The following DENND2A variants were observed in gnomAD, a reference collection of about 807,000 sequenced individuals.
The protein encoded by DENND2A is DENN domain-containing protein 2A.
In DENND2A, 53 loss-of-function variants were observed where a neutral mutation model predicts 105.3. The observed-to-expected ratio is 0.50, with a 90% CI of 0.40 to 0.63. The LOEUF (loss-of-function observed/expected upper bound fraction) is 0.63. Among genes scored for constraint, DENND2A ranks in the 30% least tolerant of loss-of-function variants. DENND2A has a pLI of 0.00. For synonymous variants in DENND2A, 522 were observed against 508.4 expected (o/e 1.03, Z -0.36); for missense variants, 1,138 against 1,279.6 (o/e 0.89, Z 1.69).
chr7:140,569,271 A>T (rs1294059963), intron 7 of DENND2A, among the ~76,000 whole-genome samples: 1 of 152,178 alleles, frequency 6.6e-6, no homozygotes, highest in Non-Finnish European at 1.5e-5. Flanking sequence ...CGTCTCGTCC[A>T]ACTCGATGTA....
intron 6 of DENND2A, among the ~76,000 whole-genome samples, chr7:140,570,229 G>A (rs1798037309): frequency 6.6e-6 from 1 of 152,132 alleles, no homozygotes; most frequent in African/African-American, 2.4e-5. Context: ...GAACGTGACT[G>A]TCAAGGACAC....
chr7:140,590,057 G>T (rs900536193), intron 3 of DENND2A, among the ~76,000 whole-genome samples: 1 of 152,072 alleles, frequency 6.6e-6, no homozygotes, highest in Non-Finnish European at 1.5e-5. Flanking sequence ...ATGGTTAAAG[G>T]CTCTCCAAAT....
At chr7:140,632,561 C>T (rs959125006) in intron 1 of DENND2A, among the ~76,000 whole-genome samples, 3 of 152,150 alleles carry the variant, frequency 2.0e-5, no homozygotes, top group Middle Eastern at 3.2e-3. Flanking sequence ...TAACAACTTA[C>T]TTTTAGTGCT....
rs1797935217 is a variant in DENND2A, at chr7:140,567,994, G to A, written c.1592-721C>T. Among the ~76,000 whole-genome samples, 3 of 152,132 alleles carry A rather than the reference G, an allele frequency of 2.0e-5. No individual in the cohort carries two copies. In the South Asian group the frequency reaches 6.2e-4, roughly 31 times the overall value. ...CTCACTCTGTTGCCCAGGCTGGAGT[G>A]CAATGGCGCAATCTCAGCTCACTGC... On this transcript the variant is annotated intron_variant, in intron 8 of 19. Coordinates refer to ENST00000496613, the MANE Select transcript of DENND2A (RefSeq NM_015689.5).
intron 12 of DENND2A, among the ~76,000 whole-genome samples, chr7:140,551,841 CTCTGGT>C (rs538591358): frequency 6.6e-6 from 1 of 152,228 alleles, no homozygotes; most frequent in Non-Finnish European, 1.5e-5. Context: ...TTAGCTAAAG[CTCTGGT>C]TCTGGTTCTG....
intron 9 of DENND2A, among the ~76,000 whole-genome samples, chr7:140,564,332 T>A (rs916660250): frequency 1.3e-5 from 2 of 150,686 alleles, no homozygotes; most frequent in East Asian, 2.0e-4. Context: ...GGTAGCCAGA[T>A]ACATTTCTAA....
At chr7:140,579,330 A>G (rs1193502002) in intron 5 of DENND2A, among the ~76,000 whole-genome samples, 1 of 151,978 alleles carries the variant, frequency 6.6e-6, no homozygotes, top group Non-Finnish European at 1.5e-5. Context: ...GAAATTGATG[A>G]CATGGGAAAA....
At chr7:140,561,739 T>C (rs1003221877) in intron 9 of DENND2A, among the ~76,000 whole-genome samples, 4 of 150,900 alleles carry the variant, frequency 2.7e-5, no homozygotes, top group African/African-American at 9.7e-5. Context: ...GATCTTGAAC[T>C]CCTGGCCTCA....
At position 140,555,595 on chromosome 7, in the gene DENND2A, C is replaced by T. The variant is rs372001328; in HGVS notation, c.2037+41G>A. The T allele has an allele frequency of 1.4e-5, 22 of 1,593,182 alleles. No homozygotes were observed. In the Admixed American group the frequency reaches 1.5e-4, roughly 11 times the overall value. On this transcript the variant is annotated intron_variant, in intron 12 of 19. Coordinates refer to ENST00000496613, the MANE Select transcript of DENND2A (RefSeq NM_015689.5). Reference sequence around the variant, plus strand: ...TCCCTGGAGCCCTCTAGAGCCCTCCCGTTCCTTCCCTTCCTCTTTCTCTGA... The same window carrying T: ...TCCCTGGAGCCCTCTAGAGCCCTCCTGTTCCTTCCCTTCCTCTTTCTCTGA...
Position 140,601,967 on chromosome 7 carries a change from T to TCTCGGC in DENND2A, c.425_430dup (p.Gly142_Arg143dup). On this transcript the variant is annotated inframe_insertion, in exon 3 of 20. Coordinates refer to ENST00000496613, the MANE Select transcript of DENND2A (RefSeq NM_015689.5). ...AAAGCGTAGCTTGCCAAGTCTTGGCTCTCGGCCTCGGCCCCAGCTAGGATC... is the reference window on the plus strand; with the variant it reads ...AAAGCGTAGCTTGCCAAGTCTTGGCTCTCGGCCTCGGCCTCGGCCCCAGCTAGGATC... 1 of 1,614,172 alleles carries TCTCGGC rather than the reference T, an allele frequency of 6.2e-7. No individual in the cohort carries two copies. The highest frequency in any genetic ancestry group is 8.5e-7 in the Non-Finnish European group (1 of 1,180,006).
At chr7:140,570,815 A>G (rs1395180303) in intron 6 of DENND2A, among the ~76,000 whole-genome samples, 1 of 152,148 alleles carries the variant, frequency 6.6e-6, no homozygotes, top group Non-Finnish European at 1.5e-5. Flanking sequence ...TTGAAAGGAG[A>G]CCTGCTTCCA....
intron 6 of DENND2A, among the ~76,000 whole-genome samples, chr7:140,570,300 C>G (rs1309435641): frequency 6.6e-6 from 1 of 152,214 alleles, no homozygotes; most frequent in Non-Finnish European, 1.5e-5. Flanking sequence ...TGCTCACGAG[C>G]AGCAGAGACC....
At chr7:140,589,196 G>A (rs905720573) in intron 3 of DENND2A, among the ~76,000 whole-genome samples, 1 of 152,182 alleles carries the variant, frequency 6.6e-6, no homozygotes, top group Non-Finnish European at 1.5e-5. Flanking sequence ...ATTATGGAGA[G>A]CATTTATTTA....
At chr7:140,576,324 C>T (rs962025416) in intron 5 of DENND2A, among the ~76,000 whole-genome samples, 4 of 151,834 alleles carry the variant, frequency 2.6e-5, no homozygotes, top group Non-Finnish European at 5.9e-5. Flanking sequence ...TCTTTCTTTG[C>T]CTAAAAAAAC....
At chr7:140,557,531 A>ATATATATTTATTTTTTT (rs1554467351) in intron 11 of DENND2A, among the ~76,000 whole-genome samples, 1 of 39,660 alleles carries the variant, frequency 2.5e-5, no homozygotes, top group Non-Finnish European at 5.1e-5. Context: ...ATATATATAT[A>ATATATATTTATTTTTTT]TTTTTTTTTT....
At chr7:140,626,428 C>G (rs184483061) in intron 1 of DENND2A, among the ~76,000 whole-genome samples, 1 of 152,164 alleles carries the variant, frequency 6.6e-6, no homozygotes, top group Non-Finnish European at 1.5e-5. Context: ...AAGGACCACC[C>G]GGTGTGATCT....
rs549307990 is a variant in DENND2A, at chr7:140,518,610, G to A, written c.*97C>T. The A allele has an allele frequency of 3.4e-5, 46 of 1,371,854 alleles. No homozygotes were observed. The highest frequency in any genetic ancestry group is 4.1e-5 in the Non-Finnish European group (40 of 973,180). 85.0% of individuals were successfully genotyped at this position (1,371,854 alleles called of 1,614,324 possible). ...CCACCGCGGCCTCCAGTTCCGCACC[G>A]TGACAACCTGGGACCCAGCCTTTCA... On this transcript the variant is annotated 3_prime_UTR_variant, in exon 20 of 20. Coordinates refer to ENST00000496613, the MANE Select transcript of DENND2A (RefSeq NM_015689.5).
intron 5 of DENND2A, among the ~76,000 whole-genome samples, chr7:140,583,247 T>C (rs1798617214): frequency 6.6e-6 from 1 of 151,814 alleles, no homozygotes; most frequent in Non-Finnish European, 1.5e-5. Context: ...AGGTGGAGCT[T>C]GCAGTGAGCC....
chr7:140,622,424 T>C (rs1168483557), intron 1 of DENND2A, among the ~76,000 whole-genome samples: 1 of 152,112 alleles, frequency 6.6e-6, no homozygotes, highest in Non-Finnish European at 1.5e-5. Context: ...TTTGAAATAA[T>C]TTCAAGTTTA....
Sources: gnomAD v4.1 joint callset for allele counts (sites outside exome capture counted in the v4.1 genomes callset) on GRCh38, gnomAD v4.1.1 for gene constraint, MANE v1.5 for transcripts, NCBI Gene and HGNC (gene_info 2026-07-23, HGNC 2026-07-21) for gene names.